Variants in TBX15 observed in about 807,000 individuals in gnomAD.
TBX15 encodes T-box transcription factor 15, also known as T-box transcription factor TBX15.
TBX15 carries 18 observed loss-of-function variants against 53.9 expected under a neutral mutation model. The observed-to-expected ratio is 0.33, with a 90% CI of 0.23 to 0.49. The LOEUF (loss-of-function observed/expected upper bound fraction) is 0.49. TBX15 is among the 20% of genes least tolerant of loss of function. The pLI is 0.98. For missense variants in TBX15, 692 were observed against 749.5 expected (o/e 0.92, Z 0.90); for synonymous variants, 295 against 278.0 (o/e 1.06, Z -0.61).
intron 1 of TBX15, among the ~76,000 whole-genome samples, chr1:118,940,411 C>T (rs561678156): frequency 6.6e-6 from 1 of 151,986 alleles, no homozygotes; most frequent in Non-Finnish European, 1.5e-5. Context: ...TGTCAAATCA[C>T]CCTTTTGCTT....
chr1:118,921,050 G>T (rs1369511985), intron 5 of TBX15, among the ~76,000 whole-genome samples: 1 of 112,186 alleles, frequency 8.9e-6, no homozygotes, highest in Non-Finnish European at 2.0e-5. Flanking sequence ...GGTGATACCC[G>T]CCTGTGGTCC....
At chr1:118,898,878 G>T in intron 7 of TBX15, 150 bp downstream of exon 7, 1 of 787,148 alleles carries the variant, frequency 1.3e-6, no homozygotes, top group Non-Finnish European at 2.1e-6. Context: ...GTGATGCTTT[G>T]GTTATTTACA....
rs115205095 is a variant in TBX15 at position 118,905,335 on chromosome 1, A to G, written c.927-6210T>C. 3.2e-3 allele frequency among the ~76,000 whole-genome samples: 480 copies of G among 152,316 alleles called. 1 individual carries two copies. The highest frequency in any genetic ancestry group is 0.011 in the African/African-American group (457 of 41,570). ...AGACGTCTCTCTGTTCGATGACACC[A>G]TCCCTGGGCAAAAGCCACAGATAAC... On this transcript the variant is annotated intron_variant, in intron 6 of 7. Coordinates refer to ENST00000369429, the MANE Select transcript of TBX15 (RefSeq NM_001330677.2).
intron 2 of TBX15, among the ~76,000 whole-genome samples, chr1:118,929,123 A>G (rs1227996007): frequency 1.3e-5 from 2 of 152,120 alleles, no homozygotes. Flanking sequence ...TGTCTTCTAA[A>G]CCCATTAATC....
intron 5 of TBX15, among the ~76,000 whole-genome samples, chr1:118,915,272 G>C (rs957683353): frequency 1.3e-5 from 2 of 152,176 alleles, no homozygotes; most frequent in African/African-American, 4.8e-5. Context: ...TCATATTTTT[G>C]ATAATTGTAG....
chr1:118,937,944 C>T (rs1025908718), intron 1 of TBX15, among the ~76,000 whole-genome samples: 2 of 152,132 alleles, frequency 1.3e-5, no homozygotes, highest in Admixed American at 6.5e-5. Flanking sequence ...CCTGTCTGTA[C>T]CAGGAGCAAG....
At chr1:118,953,722 T>A (rs530269354) in intron 1 of TBX15, among the ~76,000 whole-genome samples, 1 of 152,334 alleles carries the variant, frequency 6.6e-6, no homozygotes, top group South Asian at 2.1e-4. Context: ...TTAAGTTTAT[T>A]GGTTTTCACT....
chr1:118,964,372 G>T (rs1427914945), intron 1 of TBX15, among the ~76,000 whole-genome samples: 1 of 152,156 alleles, frequency 6.6e-6, no homozygotes, highest in Non-Finnish European at 1.5e-5. Context: ...GACATTAATA[G>T]ATCACTAATT....
intron 1 of TBX15, among the ~76,000 whole-genome samples, chr1:118,987,353 C>A (rs1050447983): frequency 3.9e-5 from 6 of 152,252 alleles, no homozygotes; most frequent in African/African-American, 1.4e-4. Flanking sequence ...AAAAGAAATG[C>A]AAACAAACAG....
At chr1:118,961,696 G>A (rs1376156917) in intron 1 of TBX15, among the ~76,000 whole-genome samples, 1 of 152,182 alleles carries the variant, frequency 6.6e-6, no homozygotes, top group African/African-American at 2.4e-5. Flanking sequence ...GCAGAGCTGG[G>A]AGTATCATGT....
intron 6 of TBX15, among the ~76,000 whole-genome samples, chr1:118,902,613 A>T (rs1224617005): frequency 6.6e-6 from 1 of 152,184 alleles, no homozygotes; most frequent in African/African-American, 2.4e-5. Context: ...GAGATTTGGG[A>T]ATTGTTTCTA....
rs1654524915 is a variant in TBX15, at chr1:118,899,067, G to C, written c.985C>G (p.Leu329Val). Residue 329 changes from leucine to valine, a missense_variant, in exon 7 of 8, where the codon CTC (leucine) becomes GTC (valine). Around this residue, in one of 3 missense-constraint regions of TBX15, gnomAD observed 375 missense variants for 371.6 expected, o/e 1.01. Coordinates refer to ENST00000369429, the MANE Select transcript of TBX15 (RefSeq NM_001330677.2). The stretch of plus-strand genomic sequence containing the variant: ...ATGGTGGTGAAGTCTTCGAAGGTGA[G>C]TGTGCGCACAGGAGGTCTCCAGAAT... The part of the protein sequence containing the change: ...YAFWRPPVRT[L>V]TFEDFTTMQK... 1 of 1,613,674 alleles carries C rather than the reference G, an allele frequency of 6.2e-7. No homozygotes were observed. The highest frequency in any genetic ancestry group is 8.5e-7 in the Non-Finnish European group (1 of 1,179,748).
At position 118,883,166 on chromosome 1, in the gene TBX15, T is replaced by G. The variant is rs1653778773; in HGVS notation, c.*1566A>C. The G allele has an allele frequency of 6.6e-6, 1 of 152,652 alleles. No individual in the cohort carries two copies. Among genetic ancestry groups the G allele is most frequent in the Admixed American group, 6.5e-5 (1 of 15,284 alleles). The allele number at this position is 152,652 out of a possible 1,614,324, so 9.5% of individuals were successfully genotyped here. On this transcript the variant is annotated 3_prime_UTR_variant, in exon 8 of 8. Coordinates refer to ENST00000369429, the MANE Select transcript of TBX15 (RefSeq NM_001330677.2). ...ATACATATTTTACATACCCTTTTAT[T>G]GCCCCCTTTTTCATATTCATAATAT...
intron 1 of TBX15, among the ~76,000 whole-genome samples, chr1:118,934,948 C>T (rs1231540858): frequency 6.6e-6 from 1 of 152,182 alleles, no homozygotes; most frequent in Non-Finnish European, 1.5e-5. Context: ...AGCAACAGCC[C>T]ACATGTTCAA....
At chr1:118,934,245 T>C (rs186814799) in intron 1 of TBX15, among the ~76,000 whole-genome samples, 5 of 152,274 alleles carry the variant, frequency 3.3e-5, no homozygotes, top group Admixed American at 3.3e-4. Context: ...ATGACCTGAA[T>C]GTAAGAATCC....
intron 1 of TBX15, among the ~76,000 whole-genome samples, chr1:118,972,171 T>C (rs1657253780): frequency 6.6e-6 from 1 of 152,182 alleles, no homozygotes; most frequent in Non-Finnish European, 1.5e-5. Flanking sequence ...AAAGAAGAGC[T>C]CCCTTTAGCC....
At chr1:118,972,503 A>AGC (rs1292227140) in intron 1 of TBX15, among the ~76,000 whole-genome samples, 2 of 152,122 alleles carry the variant, frequency 1.3e-5, no homozygotes, top group African/African-American at 4.8e-5. Context: ...TGTGGAGAGG[A>AGC]GCTGTGAATA....
rs574411651 is a variant in TBX15, at chr1:118,884,945, C to A, written c.1596G>T (p.Pro532=). ...TGCTTTGAGAGGCGCTCAGTTTTTC[C>A]GGGCTTGCAGCTAGCCTAGGGGAAG... The part of the protein sequence containing the change: ...FPTSPRLAAS[P]EKLSASQSTL... Residue 532 remains proline (P), a synonymous_variant, in exon 8 of 8, where the codon CCG becomes CCT. Transcript: ENST00000369429. 1.1e-5 allele frequency: 17 copies of A among 1,614,144 alleles called. No homozygotes were observed. In the South Asian group the frequency reaches 1.3e-4, roughly 13 times the overall value.
At chr1:118,897,674 C>T (rs116737071) in intron 7 of TBX15, among the ~76,000 whole-genome samples, 5 of 152,122 alleles carry the variant, frequency 3.3e-5, no homozygotes, top group African/African-American at 1.2e-4. Flanking sequence ...GAATTCATGA[C>T]CATCAAAGAC....
Sources: gnomAD v4.1 joint callset for allele counts (sites outside exome capture counted in the v4.1 genomes callset) on GRCh38, gnomAD v4.1.1 for gene constraint, gnomAD v4.1.1 regional missense constraint, MANE v1.5 for transcripts, NCBI Gene and HGNC (gene_info 2026-07-23, HGNC 2026-07-21) for gene names.